ARHGAP32: variants seen among roughly 807,000 people sequenced by gnomAD.
ARHGAP32 encodes rho GTPase-activating protein 32.
A neutral mutation model predicts 186.5 loss-of-function variants in ARHGAP32; 51 were observed. That is an observed-to-expected ratio of 0.27 (90% CI 0.22 to 0.35). The LOEUF is 0.35. ARHGAP32 is among the 10% of genes least tolerant of loss of function. ARHGAP32 has a pLI of 1.00. For synonymous variants in ARHGAP32, 950 were observed against 964.3 expected, an observed-to-expected ratio of 0.99 and a Z score of 0.27; for missense variants, 2,186 against 2,623.5, an observed-to-expected ratio of 0.83 and a Z score of 3.64.
Position 129,094,613 on chromosome 11 carries a change from G to T in ARHGAP32, c.445-906C>A, listed in dbSNP as rs147818975. ...TTTAAATGAGGTGTATATTCCCCAA[G>T]AAAGTTTGTCACAGAACTGACTACC... On this transcript the variant is annotated intron_variant, in intron 5 of 22. Transcript: ENST00000682385. 3.3e-3 allele frequency among the ~76,000 whole-genome samples: 507 copies of T among 152,292 alleles called. 5 individuals carry two copies. Among genetic ancestry groups the T allele is most frequent in the African/African-American group, 0.011 (463 of 41,570 alleles).
chr11:129,064,988 G>C (rs1373448572), intron 7 of ARHGAP32, 55 bp from the exon 8 acceptor site: 2 of 1,388,302 alleles, frequency 1.4e-6, no homozygotes, highest in Non-Finnish European at 2.0e-6. Flanking sequence ...CTCTCTGGCA[G>C]GGAAAACTGG....
At chr11:129,256,086 A>G (rs914173449) in intron 1 of ARHGAP32, among the ~76,000 whole-genome samples, 2 of 152,126 alleles carry the variant, frequency 1.3e-5, no homozygotes, top group African/African-American at 4.8e-5. Context: ...GAGACAAAAG[A>G]ATATGTTCTG....
intron 11 of ARHGAP32, among the ~76,000 whole-genome samples, chr11:129,024,982 G>T (rs554384114): frequency 6.6e-6 from 1 of 152,138 alleles, no homozygotes; most frequent in African/African-American, 2.4e-5. Flanking sequence ...ATTTATTGAA[G>T]AAACAAATGA....
chr11:129,171,890 CCT>C (rs1412615208), intron 1 of ARHGAP32, among the ~76,000 whole-genome samples: 2 of 151,928 alleles, frequency 1.3e-5, no homozygotes, highest in East Asian at 3.9e-4. Context: ...CTTCACATCC[CCT>C]GTTAACAGTA....
At chr11:129,262,916 C>G (rs1006597593) in intron 1 of ARHGAP32, among the ~76,000 whole-genome samples, 1 of 152,138 alleles carries the variant, frequency 6.6e-6, no homozygotes. Flanking sequence ...ATGTCAATCA[C>G]CTCCTCTATA....
chr11:129,074,389 T>C (rs1940970887), intron 6 of ARHGAP32, among the ~76,000 whole-genome samples: 1 of 152,176 alleles, frequency 6.6e-6, no homozygotes, highest in African/African-American at 2.4e-5. Context: ...ATAATTTTTA[T>C]TACAAGGCAC....
In ARHGAP32 at chr11:129,164,331, A is replaced by T. The variant is rs1276206162; in HGVS notation, c.213T>A (p.Thr71=). 3 of 1,558,156 alleles carry T rather than the reference A, an allele frequency of 1.9e-6. No homozygotes were observed. The highest frequency in any genetic ancestry group is 4.6e-5 in the East Asian group (2 of 43,176). ...AAAACTGATTTACCATTGCGCTAAG[A>T]GTTTCTTCCCAATCAGGCCGCTCTC... The part of the protein sequence containing the change: ...HPRERPDWEE[T]LSAMARGADV... The change falls in exon 2 of 23, where the codon ACT becomes ACA. Residue 71 remains threonine (T), a synonymous_variant. Transcript: ENST00000682385.
chr11:128,991,491 G>A (rs976322967), intron 12 of ARHGAP32, among the ~76,000 whole-genome samples: 5 of 151,860 alleles, frequency 3.3e-5, no homozygotes, highest in East Asian at 1.9e-4. Flanking sequence ...ATTTTTTCAC[G>A]AAAGAGTAGG....
At chr11:129,214,393 A>G (rs1206490446) in intron 1 of ARHGAP32, among the ~76,000 whole-genome samples, 1 of 152,222 alleles carries the variant, frequency 6.6e-6, no homozygotes. Flanking sequence ...CTTTTCCATA[A>G]ATCTAAAATT....
intron 11 of ARHGAP32, among the ~76,000 whole-genome samples, chr11:129,038,888 G>GAAAAAAAAAAAAAAAAAAAAAAAAAAA (rs56810685): frequency 1.1e-5 from 1 of 92,188 alleles, no homozygotes; most frequent in Admixed American, 1.4e-4. Context: ...ACCCTGTCTC[G>GAAAAAAAAAAAAAAAAAAAAAAAAAAA]AAAAAAAAAA....
intron 12 of ARHGAP32, among the ~76,000 whole-genome samples, chr11:128,990,839 T>C (rs1437538447): frequency 6.6e-6 from 1 of 152,176 alleles, no homozygotes; most frequent in Non-Finnish European, 1.5e-5. Context: ...TATTTAGAGA[T>C]TACTGGGATA....
rs1945300767 is a variant in ARHGAP32 at position 128,969,588 on chromosome 11, GC to G, written c.5624del (p.Ser1875ThrfsTer2). On this transcript the variant is annotated frameshift_variant, in exon 23 of 23. Coordinates refer to ENST00000682385, the MANE Select transcript of ARHGAP32 (RefSeq NM_001378024.1). LOFTEE classifies it high-confidence loss of function. This position sits in a 1 kb window ranked among gnomAD's most constrained non-coding sequence, Gnocchi z 4.8. ...EKPSLPQKQS[S>X]LRSRKLPDMG... The stretch of plus-strand genomic sequence containing the variant: ...TGTCAGGAAGCTTCCTGCTCCTCAG[GC>G]TGCTCTGCTTCTGAGGCAGGGATGG... 6.2e-7 allele frequency: 1 copy of G among 1,613,956 alleles called. No homozygotes were observed. The highest frequency in any genetic ancestry group is 8.5e-7 in the Non-Finnish European group (1 of 1,180,036).
chr11:129,265,417 A>C (rs1462020742), intron 1 of ARHGAP32, among the ~76,000 whole-genome samples: 1 of 152,234 alleles, frequency 6.6e-6, no homozygotes, highest in Non-Finnish European at 1.5e-5. Context: ...CTGTTACTCT[A>C]AATGTTAAGA....
At chr11:129,204,036 A>C (rs950855002) in intron 1 of ARHGAP32, among the ~76,000 whole-genome samples, 2 of 148,186 alleles carry the variant, frequency 1.3e-5, no homozygotes, top group African/African-American at 4.9e-5. Context: ...TAATTACATA[A>C]TTTATAAAAA....
At chr11:129,025,005 T>G (rs1345663450) in intron 11 of ARHGAP32, among the ~76,000 whole-genome samples, 1 of 152,194 alleles carries the variant, frequency 6.6e-6, no homozygotes, top group Non-Finnish European at 1.5e-5. Context: ...TGGAAAATAT[T>G]TACATATTTT....
intron 1 of ARHGAP32, among the ~76,000 whole-genome samples, chr11:129,173,241 C>A (rs951518104): frequency 6.6e-6 from 1 of 151,584 alleles, no homozygotes; most frequent in Non-Finnish European, 1.5e-5. Context: ...ATGCATACAC[C>A]CTACCAAGAC....
At chr11:129,031,423 A>G (rs1444368748) in intron 11 of ARHGAP32, among the ~76,000 whole-genome samples, 1 of 152,162 alleles carries the variant, frequency 6.6e-6, no homozygotes, top group Non-Finnish European at 1.5e-5. Flanking sequence ...TAGGGATTGA[A>G]CCCAAGGTTG....
intron 2 of ARHGAP32, among the ~76,000 whole-genome samples, chr11:129,141,460 C>T (rs1034166610): frequency 2.3e-4 from 35 of 151,704 alleles, no homozygotes; most frequent in Admixed American, 6.6e-4. Flanking sequence ...CATCAGACAC[C>T]GGGGCCTGTC....
At chr11:129,158,542 A>T (rs1209369641) in intron 2 of ARHGAP32, among the ~76,000 whole-genome samples, 3 of 152,192 alleles carry the variant, frequency 2.0e-5, no homozygotes, top group Non-Finnish European at 2.9e-5. Flanking sequence ...CCAATACAGG[A>T]GCACTCAGAT....
Sources: gnomAD v4.1 joint callset for allele counts (sites outside exome capture counted in the v4.1 genomes callset) on GRCh38, gnomAD v4.1.1 for gene constraint, Gnocchi (gnomAD v3.1) non-coding constraint, MANE v1.5 for transcripts, NCBI Gene and HGNC (gene_info 2026-07-23, HGNC 2026-07-21) for gene names.